Variants in NBPF11 observed in about 807,000 individuals in gnomAD.
NBPF11 encodes the protein NBPF member 11, also known as NBPF family member NBPF11.
Under a neutral mutation model 93.9 loss-of-function variants are expected in NBPF11, and 72 were observed. That is an observed-to-expected ratio of 0.77 (90% confidence interval 0.63 to 0.93). The LOEUF (loss-of-function observed/expected upper bound fraction) is 0.93. NBPF11 is among the 40% of genes least tolerant of loss of function. The probability of loss-of-function intolerance (pLI) is 0.00; values close to 1 mark genes in which losing one functional copy is unlikely to be tolerated. For missense variants in NBPF11, 705 were observed against 802.2 expected (o/e 0.88, Z 1.46); for synonymous variants, 224 against 304.9 (o/e 0.73, Z 2.76).
At position 148,143,460 on chromosome 1, in the gene NBPF11, C is replaced by T. The variant is rs1444597205; in HGVS notation, c.-322G>A. 6.4e-6 allele frequency: 6 copies of T among 944,278 alleles called. No homozygotes were observed. Among genetic ancestry groups the T allele is most frequent in the Non-Finnish European group, 8.2e-6 (6 of 727,524 alleles). 58.5% of individuals were successfully genotyped at this position (944,278 alleles called of 1,614,324 possible). A position where few individuals can be genotyped will look rare whatever the true frequency, so the allele number is the denominator to read the frequency against. On this transcript the variant is annotated 5_prime_UTR_variant, in exon 2 of 24. Transcript: ENST00000682118. Reference sequence around the variant, plus strand: ...TCATGTCGGCCCACACCATGTGAAGCTGCTCTTGGTGCACTGAATGGGTAA... The same window carrying T: ...TCATGTCGGCCCACACCATGTGAAGTTGCTCTTGGTGCACTGAATGGGTAA...
At chr1:148,109,181 C>G (rs61812004) in intron 17 of NBPF11, 103 bp downstream of exon 17, 7 of 926,834 alleles carry the variant, frequency 7.6e-6, no homozygotes, top group Admixed American at 5.1e-5. Flanking sequence ...TCAGACTTGT[C>G]TGACAAGACA....
chr1:148,127,088 A>G, intron 4 of NBPF11, 50 bp from the exon 5 acceptor site: 1 of 500,600 alleles, frequency 2.0e-6, no homozygotes, highest in Non-Finnish European at 3.4e-6. Flanking sequence ...TGGTGAAATC[A>G]AATAGGTTTA....
At chr1:148,148,314 G>A (rs1438193411) in intron 1 of NBPF11, among the ~76,000 whole-genome samples, 72 of 152,352 alleles carry the variant, frequency 4.7e-4, no homozygotes, top group Admixed American at 2.9e-3. Flanking sequence ...GCAAGAGGGC[G>A]TCTGCCTGGG....
At chr1:148,108,371 C>A (rs1664304999) in intron 18 of NBPF11, 111 bp downstream of exon 18, 1 of 751,936 alleles carries the variant, frequency 1.3e-6, no homozygotes, top group African/African-American at 1.7e-5. Context: ...CCTATAGGTC[C>A]TCCCTGTGGC....
At chr1:148,122,328 G>T in intron 8 of NBPF11, 62 bp from the exon 9 acceptor site, 1 of 1,610,106 alleles carries the variant, frequency 6.2e-7, no homozygotes, top group Non-Finnish European at 8.5e-7. Flanking sequence ...GGACCCCAAG[G>T]AGTCCTAGCT....
intron 19 of NBPF11, among the ~76,000 whole-genome samples, chr1:148,107,458 A>G (rs1418729724): frequency 6.7e-6 from 1 of 148,698 alleles, no homozygotes; most frequent in East Asian, 1.9e-4. Flanking sequence ...AATTTTCCAT[A>G]AACTTGCTCA....
At chr1:148,144,551 A>G (rs1409099812) in intron 1 of NBPF11, among the ~76,000 whole-genome samples, 4 of 151,972 alleles carry the variant, frequency 2.6e-5, no homozygotes, top group African/African-American at 9.7e-5. Flanking sequence ...AATTTCCAGG[A>G]GCTTATATTG....
chr1:148,136,812 A>AT (rs1403708432), intron 3 of NBPF11, among the ~76,000 whole-genome samples: 1 of 151,934 alleles, frequency 6.6e-6, no homozygotes, highest in East Asian at 1.9e-4. Flanking sequence ...AGGTAAGGGA[A>AT]TTATGTCAAG....
chr1:148,113,139 G>T (rs1167082713), intron 15 of NBPF11, among the ~76,000 whole-genome samples: 32 of 150,886 alleles, frequency 2.1e-4, no homozygotes, highest in African/African-American at 6.3e-4. Flanking sequence ...TAAATGTAAA[G>T]GGGCTAAATG....
Position 148,138,400 on chromosome 1 carries a change from G to A in NBPF11, c.-276-591C>T, listed in dbSNP as rs1307026632. The stretch of plus-strand genomic sequence containing the variant: ...ACAGACCCTTTACGGGTGTCGGGCT[G>A]GGGGACAGTCAGGTCTTTCCCTTCC... On this transcript the variant is annotated intron_variant, in intron 2 of 23. Coordinates refer to ENST00000682118, the MANE Select transcript of NBPF11 (RefSeq NM_001385469.3). 2.0e-5 allele frequency among the ~76,000 whole-genome samples: 3 copies of A among 151,660 alleles called. 1 individual carries two copies. Among genetic ancestry groups the A allele is most frequent in the African/African-American group, 7.3e-5 (3 of 40,994 alleles).
rs1664399686 is a variant in NBPF11 at position 148,108,624 on chromosome 1, C to G, written c.1884G>C (p.Glu628Asp). 9.0e-6 allele frequency: 13 copies of G among 1,442,508 alleles called. No individual in the cohort carries two copies. In the South Asian group the frequency reaches 1.4e-4, roughly 15 times the overall value. The allele number at this position is 1,442,508 out of a possible 1,614,324, so 89.4% of individuals were successfully genotyped here. A position where few individuals can be genotyped will look rare whatever the true frequency, so the allele number is the denominator to read the frequency against. Residue 628 changes from glutamate (E) to aspartate (D), a missense_variant, in exon 18 of 24, where the codon GAG becomes GAC. Around this residue, in one of 12 missense-constraint regions of NBPF11, gnomAD observed 97 missense variants for 65.0 expected, o/e 1.49. Coordinates refer to ENST00000682118, the MANE Select transcript of NBPF11 (RefSeq NM_001385469.3). ...RLSRELLDEK[E>D]PEVLQDSLDR... Reference sequence around the variant, plus strand: ...CCAGTGAGTCCTGCAAGACTTCAGGCTCTTTCTCATCCAGCAGCTCCCTGC... The same window carrying G: ...CCAGTGAGTCCTGCAAGACTTCAGGGTCTTTCTCATCCAGCAGCTCCCTGC...
chr1:148,119,708 T>G (rs1367364867), intron 10 of NBPF11, among the ~76,000 whole-genome samples: 2 of 151,920 alleles, frequency 1.3e-5, no homozygotes, highest in Non-Finnish European at 2.9e-5. Context: ...CAGGCTGGAG[T>G]GCAACGGCAA....
chr1:148,110,524 TC>T lies in NBPF11; in HGVS notation c.1654del (p.Glu552LysfsTer37). On this transcript the variant is annotated frameshift_variant, in exon 16 of 24. Transcript: ENST00000682118. LOFTEE classifies it high-confidence loss of function. ...GGACTCCTGGGGGACTTCCTCCTCT[TC>T]AGACTCCTGCAGATTCCTGATGAGC... ...PVSPRNLQES[E>X]EEEVPQESWD... is the part of the protein sequence containing the mutation. 6.4e-7 allele frequency: 1 copy of T among 1,557,670 alleles called. No individual in the cohort carries two copies. The highest frequency in any genetic ancestry group is 1.1e-5 in the South Asian group (1 of 89,870).
intron 9 of NBPF11, among the ~76,000 whole-genome samples, chr1:148,121,176 C>T (rs1293013491): frequency 6.6e-6 from 1 of 151,502 alleles, no homozygotes; most frequent in Non-Finnish European, 1.5e-5. Context: ...TGCCAAGCAT[C>T]TGGGATTACA....
At chr1:148,128,013 CTT>C (rs1323945968) in intron 4 of NBPF11, among the ~76,000 whole-genome samples, 10 of 150,298 alleles carry the variant, frequency 6.7e-5, no homozygotes, top group African/African-American at 2.5e-4. Context: ...GTGTTTTTCC[CTT>C]GTTTCATTTT....
Position 148,108,545 on chromosome 1 carries a change from G to T in NBPF11, c.1963C>A (p.Pro655Thr), listed in dbSNP as rs1194106981. 2.5e-6 allele frequency: 4 copies of T among 1,602,462 alleles called. No homozygotes were observed. Among genetic ancestry groups the T allele is most frequent in the Non-Finnish European group, 3.4e-6 (4 of 1,172,050 alleles). The change falls in exon 18 of 24, where the codon CCC becomes ACC. Residue 655 changes from proline to threonine, a missense_variant. This residue lies in a region of NBPF11 where 97 missense variants were observed against 65.0 expected (regional missense o/e 1.49). Transcript: ENST00000682118. ...VYLGLTDSCQ[P>T]YRSAFYVLEQ... is the part of the protein sequence containing the mutation. ...AATACGTAAAAGGCACTTCTGTAGG[G>T]CTGGCATGAGTCAGTCAGTCCAAGA...
At chr1:148,126,130 A>C (rs1414050473) in intron 5 of NBPF11, among the ~76,000 whole-genome samples, 1 of 151,686 alleles carries the variant, frequency 6.6e-6, no homozygotes, top group African/African-American at 2.4e-5. Context: ...CCTCCCGATT[A>C]GTGGTGATTA....
chr1:148,135,852 A>C (rs1390919992), intron 3 of NBPF11, 39 bp from the exon 4 acceptor site: 36 of 763,076 alleles, frequency 4.7e-5, no homozygotes, highest in Middle Eastern at 3.6e-4. Flanking sequence ...ACCTCCCCAG[A>C]GGAAAAGGTT....
chr1:148,126,235 G>A (rs1388003619), intron 5 of NBPF11, among the ~76,000 whole-genome samples: 14,825 of 151,704 alleles, frequency 0.098, 918 homozygotes, highest in Middle Eastern at 0.17. Context: ...TGCTGACCTC[G>A]TCCTCTGCCC....
Sources: gnomAD v4.1 joint callset for allele counts (sites outside exome capture counted in the v4.1 genomes callset) on GRCh38, gnomAD v4.1.1 for gene constraint, gnomAD v4.1.1 regional missense constraint, MANE v1.5 for transcripts, NCBI Gene and HGNC (gene_info 2026-07-23, HGNC 2026-07-21) for gene names.